Variants in GLIPR1L2 observed in about 807,000 individuals in gnomAD.
The protein encoded by GLIPR1L2 is GLIPR1-like protein 2.
In GLIPR1L2, 21 loss-of-function variants were observed where a neutral mutation model predicts 28.4. The ratio of observed to expected loss-of-function variants is 0.74; its 90% CI spans 0.52 to 1.06. The LOEUF is 1.06. Among genes scored for constraint, GLIPR1L2 ranks in the 50% least tolerant of loss-of-function variants. The pLI, the probability that GLIPR1L2 is intolerant of heterozygous loss-of-function variation, is 0.00. For missense variants in GLIPR1L2, 476 were observed against 416.9 expected, an observed-to-expected ratio of 1.14 and a Z score of -1.23; for synonymous variants, 145 against 139.3, an observed-to-expected ratio of 1.04 and a Z score of -0.29.
At chr12:75,418,159 G>A (rs551318808) in intron 3 of GLIPR1L2, among the ~76,000 whole-genome samples, 5 of 152,050 alleles carry the variant, frequency 3.3e-5, no homozygotes, top group Non-Finnish European at 7.4e-5. Context: ...TTATATAGAT[G>A]AGGGTCAATA....
intron 2 of GLIPR1L2, among the ~76,000 whole-genome samples, chr12:75,411,661 CT>C (rs2045869061): frequency 6.6e-6 from 1 of 151,856 alleles, no homozygotes; most frequent in Admixed American, 6.6e-5. Context: ...TCTCCTAGAC[CT>C]TTTCGTTTCC....
intron 4 of GLIPR1L2, 28 bp downstream of exon 4, chr12:75,423,017 A>G: frequency 6.2e-7 from 1 of 1,605,868 alleles, no homozygotes; most frequent in Non-Finnish European, 8.5e-7. Flanking sequence ...AACATGAAAA[A>G]AATGCATAAT....
At chr12:75,419,188 G>A (rs185236187) in intron 3 of GLIPR1L2, among the ~76,000 whole-genome samples, 6 of 152,204 alleles carry the variant, frequency 3.9e-5, no homozygotes, top group Non-Finnish European at 7.4e-5. Flanking sequence ...TAAAAGAAGA[G>A]ACAATAGAAT....
At chr12:75,393,089 G>A (rs1027290338) in intron 1 of GLIPR1L2, among the ~76,000 whole-genome samples, 1 of 151,898 alleles carries the variant, frequency 6.6e-6, no homozygotes, top group African/African-American at 2.4e-5. Context: ...GTTAATACCT[G>A]TAAACTCCAC....
At chr12:75,415,777 T>G (rs1026500191) in intron 3 of GLIPR1L2, among the ~76,000 whole-genome samples, 2 of 152,132 alleles carry the variant, frequency 1.3e-5, no homozygotes, top group Non-Finnish European at 2.9e-5. Flanking sequence ...CCCACCATCT[T>G]CAAGTCAGCC....
chr12:75,419,832 T>C (rs183777871), intron 3 of GLIPR1L2, among the ~76,000 whole-genome samples: 1 of 152,196 alleles, frequency 6.6e-6, no homozygotes, highest in Non-Finnish European at 1.5e-5. Context: ...GTTCATACTT[T>C]CGTTGACCTT....
rs574675429 is a variant in GLIPR1L2, at chr12:75,419,418, G to A, written c.585-3486G>A. Among the ~76,000 whole-genome samples the A allele has an allele frequency of 8.5e-4, 129 of 152,244 alleles. 1 individual carries two copies. The highest frequency in any genetic ancestry group is 2.8e-3 in the African/African-American group (116 of 41,550). ...AGTGACAACTATGGAGAATTGGGAAGCATTTTGGTAGTAAAGACATCTAGT... is the reference window on the plus strand; with the variant it reads ...AGTGACAACTATGGAGAATTGGGAAACATTTTGGTAGTAAAGACATCTAGT... On this transcript the variant is annotated intron_variant, in intron 3 of 5. Transcript: ENST00000550916.
intron 1 of GLIPR1L2, among the ~76,000 whole-genome samples, chr12:75,402,261 G>C (rs1011496869): frequency 6.6e-6 from 1 of 152,158 alleles, no homozygotes; most frequent in African/African-American, 2.4e-5. Flanking sequence ...GCAGCAAGAT[G>C]TTGAAGATCT....
rs1049928033 is a variant in GLIPR1L2 at position 75,432,188 on chromosome 12, C to A, written c.*1027C>A. ...ACCTTATATGGCAAAATAATAAATA[C>A]CTTTTATTACTCAATTTTAAAATAG... is the stretch of plus-strand genomic sequence containing the variant. On this transcript the variant is annotated 3_prime_UTR_variant, in exon 6 of 6. Transcript: ENST00000550916. The A allele has an allele frequency of 2.0e-5, 3 of 152,024 alleles. No homozygotes were observed. Among genetic ancestry groups the A allele is most frequent in the Non-Finnish European group, 4.4e-5 (3 of 67,958 alleles). The allele number at this position is 152,024 out of a possible 1,614,324, so 9.4% of individuals were successfully genotyped here. A position where few individuals can be genotyped will look rare whatever the true frequency, so the allele number is the denominator to read the frequency against.
At chr12:75,417,954 A>G (rs1034176152) in intron 3 of GLIPR1L2, among the ~76,000 whole-genome samples, 6 of 152,134 alleles carry the variant, frequency 3.9e-5, no homozygotes, top group African/African-American at 1.4e-4. Context: ...TGCTTCATTG[A>G]TAGGTAATGT....
At chr12:75,420,441 C>T (rs1297228577) in intron 3 of GLIPR1L2, among the ~76,000 whole-genome samples, 1 of 152,104 alleles carries the variant, frequency 6.6e-6, no homozygotes. Context: ...TCTGTTAGGC[C>T]GCCCAGGTAA....
chr12:75,431,184 A>G lies in GLIPR1L2; in HGVS notation c.*23A>G, dbSNP rs959939606. On this transcript the variant is annotated 3_prime_UTR_variant, in exon 6 of 6. Transcript: ENST00000550916. ...TAAGAGTAGAAAGAGGAGGAAAAAG[A>G]TGTATCACCAATATAAACCAAAAGT... is the stretch of plus-strand genomic sequence containing the variant. 4.6e-6 allele frequency: 3 copies of G among 656,396 alleles called. No individual in the cohort carries two copies. Among genetic ancestry groups the G allele is most frequent in the Non-Finnish European group, 7.9e-6 (3 of 378,586 alleles). 40.7% of individuals were successfully genotyped at this position (656,396 alleles called of 1,614,324 possible). A position where few individuals can be genotyped will look rare whatever the true frequency, so the allele number is the denominator to read the frequency against.
Position 75,394,920 on chromosome 12 carries a change from C to T in GLIPR1L2, c.234+3570C>T, listed in dbSNP as rs956118845. Among the ~76,000 whole-genome samples, 6 of 151,816 alleles carry T rather than the reference C, an allele frequency of 4.0e-5. 1 individual carries two copies. The highest frequency in any genetic ancestry group is 1.4e-4 in the African/African-American group (6 of 41,392). ...TTCTAATATCCACCTTAATTTCTTT[C>T]AGTAATATTTTATTTTCAGTATATA... is the stretch of plus-strand genomic sequence containing the variant. On this transcript the variant is annotated intron_variant, in intron 1 of 5. Transcript: ENST00000550916.
intron 4 of GLIPR1L2, chr12:75,423,617 C>T (rs958749894): frequency 1.2e-4 from 42 of 355,926 alleles, no homozygotes; most frequent in African/African-American, 9.1e-4. Context: ...CTGTGCAGAA[C>T]GTGCAGGTTT....
intron 1 of GLIPR1L2, among the ~76,000 whole-genome samples, chr12:75,403,680 C>T (rs1288467007): frequency 1.3e-5 from 2 of 152,100 alleles, no homozygotes; most frequent in Admixed American, 6.6e-5. Flanking sequence ...CTCCTCCTTC[C>T]TCCTTATACC....
chr12:75,406,204 G>C (rs779509602), intron 1 of GLIPR1L2, among the ~76,000 whole-genome samples: 3 of 151,660 alleles, frequency 2.0e-5, no homozygotes, highest in African/African-American at 7.3e-5. Context: ...TGTCATATTG[G>C]TTAAATAGAT....
At chr12:75,428,079 C>T (rs936508439) in intron 4 of GLIPR1L2, among the ~76,000 whole-genome samples, 1 of 152,114 alleles carries the variant, frequency 6.6e-6, no homozygotes, top group African/African-American at 2.4e-5. Flanking sequence ...AGGTTGGAAC[C>T]ATTTGGAGGG....
At chr12:75,416,191 G>A (rs757047721) in intron 3 of GLIPR1L2, among the ~76,000 whole-genome samples, 4 of 152,022 alleles carry the variant, frequency 2.6e-5, no homozygotes, top group Admixed American at 6.6e-5. Context: ...TAAAAAACTG[G>A]GTGGATGGTG....
At chr12:75,393,838 C>T (rs886741918) in intron 1 of GLIPR1L2, among the ~76,000 whole-genome samples, 2 of 151,958 alleles carry the variant, frequency 1.3e-5, no homozygotes, top group East Asian at 3.8e-4. Flanking sequence ...ATAGTGGCTG[C>T]ACCATTTTAC....
Sources: gnomAD v4.1 joint callset for allele counts (sites outside exome capture counted in the v4.1 genomes callset) on GRCh38, gnomAD v4.1.1 for gene constraint, MANE v1.5 for transcripts, NCBI Gene and HGNC (gene_info 2026-07-23, HGNC 2026-07-21) for gene names.